The following FAAH2 variants were observed in gnomAD, a reference collection of about 807,000 sequenced individuals.
FAAH2 encodes the protein fatty-acid amide hydrolase 2.
A neutral mutation model predicts 36.9 loss-of-function variants in FAAH2; 60 were observed. The observed-to-expected ratio is 1.63, with a 90% CI of 1.32 to 2.02. FAAH2 has a LOEUF of 2.02. Ranked by LOEUF, FAAH2 falls within the 30% of genes most tolerant of loss-of-function variation. The pLI is 0.00. For synonymous variants in FAAH2, 214 were observed against 143.8 expected, an observed-to-expected ratio of 1.49 and a Z score of -3.49; for missense variants, 689 against 397.5, an observed-to-expected ratio of 1.73 and a Z score of -6.23.
At chrX:57,377,158 C>A (rs1197564471) in intron 5 of FAAH2, among the ~76,000 whole-genome samples, 1 of 112,025 alleles carries the variant, frequency 8.9e-6, no homozygotes, top group Non-Finnish European at 1.9e-5. Context: ...TAATTAGATC[C>A]CATTTGTCAA....
chrX:57,183,457 C>T, the FAAH2 span, among the ~76,000 whole-genome samples: 1 of 111,469 alleles, frequency 9.0e-6, no homozygotes, highest in Non-Finnish European at 1.9e-5. Context: ...AATCTATCAG[C>T]AATATTAAGA....
intron 7 of FAAH2, among the ~76,000 whole-genome samples, chrX:57,389,831 T>C (rs943850142): frequency 5.4e-5 from 6 of 110,813 alleles, no homozygotes; most frequent in Non-Finnish European, 9.5e-5. Flanking sequence ...AAGGTTTCCC[T>C]TTTCTCCCTG....
chrX:57,190,856 T>TC, the FAAH2 span, among the ~76,000 whole-genome samples: 4 of 110,449 alleles, frequency 3.6e-5, no homozygotes, highest in Admixed American at 9.7e-5. Context: ...TCCTGCAATA[T>TC]CCCCCCCACA....
At chrX:57,271,712 T>G in the FAAH2 span, among the ~76,000 whole-genome samples, 1 of 110,319 alleles carries the variant, frequency 9.1e-6, no homozygotes, top group Non-Finnish European at 1.9e-5. Flanking sequence ...CAGAAAGGAA[T>G]AGCACATCCA....
At chrX:57,420,974 A>G (rs1260803051) in intron 7 of FAAH2, among the ~76,000 whole-genome samples, 1 of 112,363 alleles carries the variant, frequency 8.9e-6, no homozygotes, top group Non-Finnish European at 1.9e-5. Flanking sequence ...ATCTATTGAG[A>G]TAATTATGTG....
At chrX:57,465,355 C>T (rs998950996) in intron 10 of FAAH2, among the ~76,000 whole-genome samples, 4 of 111,214 alleles carry the variant, frequency 3.6e-5, no homozygotes, top group Non-Finnish European at 7.6e-5. Flanking sequence ...GACATTATAT[C>T]TGAAAATGTG....
chrX:57,394,446 G>C (rs1397542999), intron 7 of FAAH2: 1 of 1,199,518 alleles, frequency 8.3e-7, no homozygotes, highest in African/African-American at 1.7e-5. Flanking sequence ...ACTCAAGCCA[G>C]CTTACCAATG....
chrX:57,328,375 A>C (rs976774527), intron 3 of FAAH2, among the ~76,000 whole-genome samples: 3 of 110,340 alleles, frequency 2.7e-5, no homozygotes, highest in African/African-American at 9.9e-5. Flanking sequence ...TTTTTCATGA[A>C]ATTTTTATAG....
the FAAH2 span, among the ~76,000 whole-genome samples, chrX:57,133,360 A>G: frequency 3.6e-5 from 4 of 111,862 alleles, no homozygotes; most frequent in South Asian, 1.5e-3. Context: ...TGGGGTAAAG[A>G]TAAAACAAGT....
chrX:57,224,268 A>T, the FAAH2 span, among the ~76,000 whole-genome samples: 1 of 111,810 alleles, frequency 8.9e-6, no homozygotes, highest in Non-Finnish European at 1.9e-5. Flanking sequence ...GTTTCCAGAC[A>T]ATCCAGATGA....
intron 5 of FAAH2, among the ~76,000 whole-genome samples, chrX:57,359,223 T>G (rs931866434): frequency 9.0e-6 from 1 of 111,082 alleles, no homozygotes; most frequent in Admixed American, 9.6e-5. Flanking sequence ...GTAACCATGA[T>G]TTTACTCCTA....
the FAAH2 span, among the ~76,000 whole-genome samples, chrX:57,160,151 T>C: frequency 8.9e-6 from 1 of 112,034 alleles, no homozygotes; most frequent in East Asian, 2.8e-4. Flanking sequence ...TATTGATTTT[T>C]GTATGTTGAA....
the FAAH2 span, among the ~76,000 whole-genome samples, chrX:57,207,105 C>G: frequency 9.0e-6 from 1 of 110,589 alleles, no homozygotes; most frequent in South Asian, 3.9e-4. Flanking sequence ...TTCCTTCAAA[C>G]CTTGCAAATT....
the FAAH2 span, among the ~76,000 whole-genome samples, chrX:57,280,385 T>G: frequency 3.6e-5 from 4 of 111,104 alleles, no homozygotes; most frequent in Admixed American, 9.6e-5. Flanking sequence ...AAAATCCAAT[T>G]AGAAAATGAA....
At chrX:57,230,697 T>C in the FAAH2 span, among the ~76,000 whole-genome samples, 1 of 111,831 alleles carries the variant, frequency 8.9e-6, no homozygotes, top group Non-Finnish European at 1.9e-5. Context: ...TACTCTTCAG[T>C]CCTAGAATTT....
intron 3 of FAAH2, among the ~76,000 whole-genome samples, chrX:57,315,434 A>C (rs1456443874): frequency 9.0e-6 from 1 of 111,571 alleles, no homozygotes; most frequent in Non-Finnish European, 1.9e-5. Context: ...CCTAATACAA[A>C]AATCTGGCAG....
the FAAH2 span, among the ~76,000 whole-genome samples, chrX:57,272,101 G>T: frequency 9.4e-6 from 1 of 106,627 alleles, no homozygotes; most frequent in Non-Finnish European, 1.9e-5. Flanking sequence ...AGAACGTGAA[G>T]AATATACAAG....
At chrX:57,236,980 T>C in the FAAH2 span, among the ~76,000 whole-genome samples, 1 of 112,021 alleles carries the variant, frequency 8.9e-6, no homozygotes, top group Admixed American at 9.5e-5. Context: ...GATAGTTTTA[T>C]AGTTTTGAGT....
rs751489132 is a variant in FAAH2 at position 57,351,611 on chromosome X, C to G, written c.742+10221C>G. On this transcript the variant is annotated intron_variant, in intron 5 of 10. Transcript: ENST00000374900. Reference sequence around the variant, plus strand: ...TAAGCTAACAAAAAAGGAAGAAGACCCAAATAAACACTGAAATGACAAAGG... The same window carrying G: ...TAAGCTAACAAAAAAGGAAGAAGACGCAAATAAACACTGAAATGACAAAGG... 6.4e-5 allele frequency among the ~76,000 whole-genome samples: 7 copies of G among 108,705 alleles called. No homozygotes were observed. In the South Asian group the frequency reaches 2.7e-3, roughly 42 times the overall value. The allele number at this position is 108,705 out of a possible 115,157, so 94.4% of individuals were successfully genotyped here.
Sources: allele counts gnomAD v4.1 joint callset (sites outside exome capture counted in the v4.1 genomes callset), GRCh38; gene constraint gnomAD v4.1.1; transcripts MANE v1.5; gene names NCBI Gene and HGNC (gene_info 2026-07-23, HGNC 2026-07-21).